NAF1: variants seen among roughly 807,000 people sequenced by gnomAD.
NAF1 encodes the protein H/ACA ribonucleoprotein complex non-core subunit NAF1.
Under a neutral mutation model 40.6 loss-of-function variants are expected in NAF1, and 11 were observed. The ratio of observed to expected loss-of-function variants is 0.27; its 90% CI spans 0.17 to 0.45. The LOEUF (loss-of-function observed/expected upper bound fraction) is 0.45, where lower values mean the gene tolerates loss of function less well. Among genes scored for constraint, NAF1 ranks in the 20% least tolerant of loss-of-function variants. NAF1 has a pLI of 1.00. For synonymous variants in NAF1, 260 were observed against 228.5 expected (o/e 1.14, Z -1.24); for missense variants, 607 against 611.1 (o/e 0.99, Z 0.07).
chr4:163,154,289 T>A (rs1731874166), intron 2 of NAF1, among the ~76,000 whole-genome samples: 1 of 152,210 alleles, frequency 6.6e-6, no homozygotes, highest in Non-Finnish European at 1.5e-5. Context: ...GGCATTAAGT[T>A]GCCTCTTGAT....
intron 6 of NAF1, 51 bp from the exon 7 acceptor site, chr4:163,133,307 C>CATGT: frequency 7.1e-7 from 1 of 1,400,940 alleles, no homozygotes; most frequent in Non-Finnish European, 1.0e-6. Flanking sequence ...TTTGCCAATT[C>CATGT]AATAGTACAT....
In NAF1 at chr4:163,158,752, GTTAA is replaced by G. The variant is rs779866642; in HGVS notation, c.540+5461_540+5464del. Reference sequence around the variant, plus strand: ...ATATAACTTTAAGCCTATCTTTCATGTTAATTGAGTGCATATTTCATCAACTTTA... The same window carrying G: ...ATATAACTTTAAGCCTATCTTTCATGTTGAGTGCATATTTCATCAACTTTA... On this transcript the variant is annotated intron_variant, in intron 2 of 7. Transcript: ENST00000274054. 2.8e-4 allele frequency among the ~76,000 whole-genome samples: 43 copies of G among 152,212 alleles called. No individual in the cohort carries two copies. The Middle Eastern group carries it at 0.01, about 36-fold the overall frequency.
chr4:163,140,121 A>C (rs1731200197), intron 5 of NAF1, 102 bp downstream of exon 5: 10 of 915,008 alleles, frequency 1.1e-5, no homozygotes, highest in Admixed American at 8.8e-5. Context: ...AACTCTTTGC[A>C]AGACACACAC....
At chr4:163,116,920 G>A (rs181259356) in intron 2 of NAF1, among the ~76,000 whole-genome samples, 45 of 152,146 alleles carry the variant, frequency 3.0e-4, no homozygotes, top group African/African-American at 1.1e-3. Context: ...GCAGAGTCCT[G>A]TCAATTCATG....
chr4:163,154,910 G>A (rs577121121), intron 2 of NAF1, among the ~76,000 whole-genome samples: 13 of 151,242 alleles, frequency 8.6e-5, no homozygotes, highest in African/African-American at 2.9e-4. Context: ...AAAACAGAGC[G>A]AGAGAGGAGA....
downstream of NAF1, among the ~76,000 whole-genome samples, chr4:163,125,110 C>T (rs1258519167): frequency 2.6e-5 from 4 of 152,304 alleles, no homozygotes; most frequent in South Asian, 6.2e-4. Context: ...TCTGACTGCT[C>T]CACACATCTG....
intron 2 of NAF1, among the ~76,000 whole-genome samples, chr4:163,113,203 A>AT (rs1441076734): frequency 6.6e-6 from 1 of 152,136 alleles, no homozygotes; most frequent in Non-Finnish European, 1.5e-5. Flanking sequence ...GTTCCAGAAT[A>AT]TAAGTGTACA....
chr4:163,106,807 AAAAT>A (rs1376968268), downstream of NAF1, among the ~76,000 whole-genome samples: 1 of 152,162 alleles, frequency 6.6e-6, no homozygotes, highest in African/African-American at 2.4e-5. Flanking sequence ...AGAGAAATCT[AAAAT>A]AAAGATCTAT....
At chr4:163,152,365 T>TG (rs1731745548) in intron 2 of NAF1, among the ~76,000 whole-genome samples, 2 of 152,250 alleles carry the variant, frequency 1.3e-5, no homozygotes, top group Admixed American at 1.3e-4. Context: ...CCTGATGTTC[T>TG]GCTCTAAAGA....
rs777558521 is a variant in NAF1, at chr4:163,129,360, G to A, written c.1034-12C>T. ...AGTAAAATCTTCACCTTTGAGTGAG[G>A]GGAGGGAAAACATAAAAAGGAAAAT... On this transcript the variant is annotated splice_polypyrimidine_tract_variant and intron_variant, in intron 7 of 7. Coordinates refer to ENST00000274054, the MANE Select transcript of NAF1 (RefSeq NM_138386.3). The A allele has an allele frequency of 1.3e-6, 2 of 1,582,316 alleles. No individual in the cohort carries two copies. Among genetic ancestry groups the A allele is most frequent in the East Asian group, 2.3e-5 (1 of 44,436 alleles).
chr4:163,112,259 T>C lies in NAF1; in HGVS notation c.115-1969A>G, dbSNP rs148931344. 2.6e-3 allele frequency among the ~76,000 whole-genome samples: 391 copies of C among 152,262 alleles called. 7 individuals are homozygous for C. The highest frequency in any genetic ancestry group is 0.02 in the Admixed American group (307 of 15,288). On this transcript the variant is annotated intron_variant, in intron 2 of 2. Transcript: ENST00000509434. ...AGTACACAAATAAAGTGATTAGCTT[T>C]AAGTAAAAGTACTCTGTAAAGAAGG...
intron 5 of NAF1, 97 bp downstream of exon 5, chr4:163,140,126 A>G: frequency 1.0e-6 from 1 of 959,780 alleles, no homozygotes; most frequent in South Asian, 2.1e-5. Flanking sequence ...TTTGCAAGAC[A>G]CACACAATAT....
At chr4:163,126,192 T>G (rs1579132837), downstream of NAF1, among the ~76,000 whole-genome samples, 1 of 152,340 alleles carries the variant, frequency 6.6e-6, no homozygotes, top group East Asian at 1.9e-4. Flanking sequence ...CAAGTCTTAT[T>G]ATGCAAGAAT....
intron 2 of NAF1, among the ~76,000 whole-genome samples, chr4:163,118,319 C>T (rs1730413038): frequency 6.6e-6 from 1 of 152,066 alleles, no homozygotes; most frequent in South Asian, 2.1e-4. Context: ...ACAGTGCTGG[C>T]CCTCAGACAA....
intron 3 of NAF1, among the ~76,000 whole-genome samples, chr4:163,147,125 A>G (rs935619790): frequency 6.6e-6 from 1 of 152,192 alleles, no homozygotes; most frequent in African/African-American, 2.4e-5. Context: ...GAATCACGGA[A>G]AGAATTTTAA....
downstream of NAF1, chr4:163,126,725 C>T (rs1203859341): frequency 6.9e-6 from 2 of 290,726 alleles, no homozygotes; most frequent in African/African-American, 2.2e-5. Flanking sequence ...CAAGTAGCAT[C>T]ACATGCTACA....
At chr4:163,136,851 CTAAACTCAAT>C (rs1318359839) in intron 6 of NAF1, among the ~76,000 whole-genome samples, 3 of 152,096 alleles carry the variant, frequency 2.0e-5, no homozygotes, top group Non-Finnish European at 4.4e-5. Context: ...GGTGTATTTA[CTAAACTCAAT>C]TAAATTTTTA....
chr4:163,105,892 T>G (rs1025389958), downstream of NAF1, among the ~76,000 whole-genome samples: 1 of 152,210 alleles, frequency 6.6e-6, no homozygotes, highest in South Asian at 2.1e-4. Flanking sequence ...TGCTGAGAAT[T>G]AGGCTTAAGT....
At chr4:163,140,123 G>GAC in intron 5 of NAF1, 100 bp downstream of exon 5, 1 of 930,992 alleles carries the variant, frequency 1.1e-6, no homozygotes, top group Non-Finnish European at 1.5e-6. Flanking sequence ...CTCTTTGCAA[G>GAC]ACACACACAA....
Sources: allele counts gnomAD v4.1 joint callset (sites outside exome capture counted in the v4.1 genomes callset), GRCh38; gene constraint gnomAD v4.1.1; transcripts MANE v1.5; gene names NCBI Gene and HGNC (gene_info 2026-07-23, HGNC 2026-07-21).